The following SAMD4A variants were observed in gnomAD, a reference collection of about 807,000 sequenced individuals.
SAMD4A encodes the protein protein Smaug homolog 1.
SAMD4A carries 33 observed loss-of-function variants against 81.3 expected under a neutral mutation model. That is an observed-to-expected ratio of 0.41 (90% CI 0.31 to 0.54). SAMD4A has a LOEUF of 0.54. Among genes scored for constraint, SAMD4A ranks in the 20% least tolerant of loss-of-function variants. The pLI is 0.37. For missense variants in SAMD4A, 854 were observed against 951.1 expected (o/e 0.90, Z 1.34); for synonymous variants, 389 against 382.1 (o/e 1.02, Z -0.21).
rs544589239 is a variant in SAMD4A at position 54,615,253 on chromosome 14, A to C, written c.196+47141A>C. On this transcript the variant is annotated intron_variant, in intron 2 of 12. Coordinates refer to ENST00000554335, the MANE Select transcript of SAMD4A (RefSeq NM_015589.6). ...TTAATTCTCACACAGCAAACCTCTT[A>C]AAGTAAGTAGGGCAGATGTCATTAC... is the stretch of plus-strand genomic sequence containing the variant. Among the ~76,000 whole-genome samples the C allele has an allele frequency of 2.5e-4, 38 of 152,318 alleles. No individual in the cohort carries two copies. In the East Asian group the frequency reaches 7.1e-3, roughly 29 times the overall value.
chr14:54,760,293 C>G lies in SAMD4A; in HGVS notation c.1309C>G (p.Gln437Glu), dbSNP rs369338750. Residue 437 changes from glutamine (Q) to glutamate (E), a missense_variant, in exon 7 of 13, where the codon CAG becomes GAG. This residue lies in a region of SAMD4A where 428 missense variants were observed against 471.2 expected (regional missense o/e 0.91). Transcript: ENST00000554335. Reference protein sequence around the residue: ...ARRREPQAPRQPSLMGPESQS... With the variant: ...ARRREPQAPREPSLMGPESQS... ...CCGCCGGGAGCCCCAGGCCCCGCGT[C>G]AGCCCTCACTGATGGGCCCCGAGAG... The G allele has an allele frequency of 5.5e-5, 88 of 1,611,650 alleles. No individual in the cohort carries two copies. The highest frequency in any genetic ancestry group is 1.6e-4 in the Middle Eastern group (1 of 6,080).
chr14:54,732,420 G>A (rs1043568054), intron 3 of SAMD4A, among the ~76,000 whole-genome samples: 3 of 151,886 alleles, frequency 2.0e-5, no homozygotes, highest in Admixed American at 2.0e-4. Flanking sequence ...CCCAGATTAG[G>A]CATTACTAAA....
intron 2 of SAMD4A, among the ~76,000 whole-genome samples, chr14:54,635,281 T>A (rs905057588): frequency 4.6e-5 from 7 of 150,936 alleles, no homozygotes; most frequent in Admixed American, 1.3e-4. Flanking sequence ...AAAAATTAGC[T>A]GGGCATGGTG....
At chr14:54,775,568 CA>C (rs1278633045) in intron 10 of SAMD4A, among the ~76,000 whole-genome samples, 4 of 152,122 alleles carry the variant, frequency 2.6e-5, no homozygotes, top group African/African-American at 9.7e-5. Flanking sequence ...GAGAGTGTGC[CA>C]GGGGGAGAGT....
chr14:54,691,539 C>A (rs1266517773), intron 2 of SAMD4A, among the ~76,000 whole-genome samples: 1 of 113,128 alleles, frequency 8.8e-6, no homozygotes, highest in Non-Finnish European at 1.7e-5. Flanking sequence ...GAAAAAGTAG[C>A]TTCCCTTCTC....
At chr14:54,718,221 C>T (rs1450879918) in intron 3 of SAMD4A, among the ~76,000 whole-genome samples, 17 of 152,184 alleles carry the variant, frequency 1.1e-4, no homozygotes, top group Non-Finnish European at 1.5e-5. Flanking sequence ...AGCTGCCTTC[C>T]ACTCTTTTGC....
At chr14:54,694,962 A>G in intron 2 of SAMD4A, 1 of 979,294 alleles carries the variant, frequency 1.0e-6, no homozygotes, top group African/African-American at 1.7e-5. Context: ...CTAGGGCAAG[A>G]GGTACCTGGT....
In SAMD4A at chr14:54,776,520, T is replaced by C. The variant is rs747850321; in HGVS notation, c.2024T>C (p.Met675Thr). Residue 675 changes from methionine to threonine, a missense_variant, in exon 11 of 13, where the codon ATG (methionine) becomes ACG (threonine). By Grantham distance (81) the Met-to-Thr change is moderately conservative. Transcript: ENST00000554335. ...CCCGTGCACACTTCCCCACAGAACA[T>C]GCTGATGTTCCAGCAGCCAGGTAGG... The part of the protein sequence containing the change: ...SLPVHTSPQN[M>T]LMFQQPEFQL... 4.4e-6 allele frequency: 7 copies of C among 1,574,938 alleles called. No homozygotes were observed. Among genetic ancestry groups the C allele is most frequent in the South Asian group, 3.5e-5 (3 of 85,598 alleles).
chr14:54,739,379 G>A (rs2037789469), intron 4 of SAMD4A, among the ~76,000 whole-genome samples: 1 of 152,002 alleles, frequency 6.6e-6, no homozygotes, highest in African/African-American at 2.4e-5. Flanking sequence ...TTCTTTATAG[G>A]CCCAAGGGGT....
chr14:54,750,686 A>G (rs530091264), intron 5 of SAMD4A, among the ~76,000 whole-genome samples: 1 of 152,348 alleles, frequency 6.6e-6, no homozygotes, highest in Non-Finnish European at 1.5e-5. Context: ...TGGGCTGCTC[A>G]TCTTTTCAAG....
Position 54,692,650 on chromosome 14 carries a change from TG to T in SAMD4A, c.197-9410del, listed in dbSNP as rs531476180. Among the ~76,000 whole-genome samples, 26 of 152,268 alleles carry T rather than the reference TG, an allele frequency of 1.7e-4. 1 individual carries two copies. In the South Asian group the frequency reaches 5.2e-3, roughly 30 times the overall value. On this transcript the variant is annotated intron_variant, in intron 2 of 12. Transcript: ENST00000554335. ...GTGTGGGGTTTTGGCAGTGGTGGTC[TG>T]GAGTGTGAGGGCGGCGCTGAAGATT...
chr14:54,764,337 A>G (rs1210499060), intron 7 of SAMD4A, 118 bp from the exon 8 acceptor site: 14 of 717,124 alleles, frequency 2.0e-5, no homozygotes, highest in Non-Finnish European at 2.8e-5. Context: ...TGAGCCTTAC[A>G]TAAAGCCACA....
chr14:54,602,892 G>T (rs2034098002), intron 2 of SAMD4A, among the ~76,000 whole-genome samples: 1 of 152,152 alleles, frequency 6.6e-6, no homozygotes, highest in Admixed American at 6.5e-5. Context: ...GTGCACACTG[G>T]GGACCAGTAT....
chr14:54,742,856 G>A (rs538104564), intron 4 of SAMD4A, among the ~76,000 whole-genome samples: 19 of 152,278 alleles, frequency 1.2e-4, no homozygotes, highest in Non-Finnish European at 2.1e-4. Flanking sequence ...AGAGTGGAGG[G>A]GCCATTGACT....
intron 3 of SAMD4A, among the ~76,000 whole-genome samples, chr14:54,724,457 C>T (rs2037361563): frequency 6.6e-6 from 1 of 152,262 alleles, no homozygotes; most frequent in South Asian, 2.1e-4. Context: ...TTAAATGGAA[C>T]AACATGTTTA....
At chr14:54,785,126 T>G (rs1206735602) in intron 12 of SAMD4A, among the ~76,000 whole-genome samples, 3 of 152,248 alleles carry the variant, frequency 2.0e-5, no homozygotes, top group Non-Finnish European at 4.4e-5. Flanking sequence ...TATCTCCCAG[T>G]TGCAAACAAC....
intron 2 of SAMD4A, among the ~76,000 whole-genome samples, chr14:54,633,291 C>T (rs1447574263): frequency 6.6e-6 from 1 of 152,264 alleles, no homozygotes; most frequent in East Asian, 1.9e-4. Context: ...TGCTCCACAG[C>T]AGAAATGGCC....
intron 8 of SAMD4A, among the ~76,000 whole-genome samples, chr14:54,765,138 A>G (rs1028650965): frequency 5.3e-5 from 8 of 152,174 alleles, no homozygotes; most frequent in Non-Finnish European, 1.0e-4. Context: ...GGCAGCCGTC[A>G]GCACTGGTGG....
intron 2 of SAMD4A, among the ~76,000 whole-genome samples, chr14:54,628,324 G>T (rs2034814663): frequency 6.6e-6 from 1 of 152,178 alleles, no homozygotes; most frequent in Non-Finnish European, 1.5e-5. Context: ...AGGTGGTGCT[G>T]CTTGGAGACT....
Sources: gnomAD v4.1 joint callset for allele counts (sites outside exome capture counted in the v4.1 genomes callset) on GRCh38, gnomAD v4.1.1 for gene constraint, gnomAD v4.1.1 regional missense constraint, MANE v1.5 for transcripts, NCBI Gene and HGNC (gene_info 2026-07-23, HGNC 2026-07-21) for gene names.